Variants in TRPM6 observed in about 807,000 individuals in gnomAD.
TRPM6 encodes the protein transient receptor potential cation channel subfamily M member 6.
TRPM6 carries 111 observed loss-of-function variants against 247.6 expected under a neutral mutation model. The observed-to-expected ratio is 0.45, with a 90% confidence interval of 0.38 to 0.52. TRPM6 has a LOEUF of 0.52. Ranked by LOEUF, TRPM6 falls within the 20% of genes least tolerant of loss-of-function variation. The pLI is 0.00. For synonymous variants in TRPM6, 892 were observed against 853.8 expected, an observed-to-expected ratio of 1.04 and a Z score of -0.78; for missense variants, 2,126 against 2,421.5, an observed-to-expected ratio of 0.88 and a Z score of 2.56.
At position 74,776,025 on chromosome 9, in the gene TRPM6, G is replaced by T; in HGVS notation, c.3261C>A (p.Asn1087Lys). The change falls in exon 24 of 39, where the codon AAC becomes AAA. Residue 1087 changes from asparagine to lysine, a missense_variant. Asn to Lys is a moderately conservative substitution (Grantham distance 94). Transcript: ENST00000360774. ...GGTAGGTCATGATGTAGCGATAGCGGTTGTATTTCCACAGGTTATTTGAAA... is the reference window on the plus strand; with the variant it reads ...GGTAGGTCATGATGTAGCGATAGCGTTTGTATTTCCACAGGTTATTTGAAA... ...ESISNNLWKY[N>K]RYRYIMTYHE... The T allele has an allele frequency of 6.2e-7, 1 of 1,614,130 alleles. No individual in the cohort carries two copies. Among genetic ancestry groups the T allele is most frequent in the Non-Finnish European group, 8.5e-7 (1 of 1,180,014 alleles).
chr9:74,805,441 TC>T (rs1828495741), intron 14 of TRPM6, among the ~76,000 whole-genome samples: 1 of 152,160 alleles, frequency 6.6e-6, no homozygotes, highest in Admixed American at 6.5e-5. Context: ...CAGAAATTAC[TC>T]CCTCATTACT....
rs148542821 is a variant in TRPM6 at position 74,739,929 on chromosome 9, G to A, written c.5281C>T (p.Arg1761Cys). 128 of 1,614,056 alleles carry A rather than the reference G, an allele frequency of 7.9e-5. No homozygotes were observed. In the African/African-American group the frequency reaches 1.2e-3, roughly 15 times the overall value. ...LDKSMSSWSQ[R>C]GRAAMIQVLS... ...ACCTGGATCATTGCCGCTCTCCCAC[G>A]CTGAGACCAAGAGGACATGCTTTTA... The change falls in exon 34 of 39, where the codon CGT (arginine) becomes TGT (cysteine). Residue 1761 changes from arginine (R) to cysteine (C), a missense_variant. By Grantham distance (180) the Arg-to-Cys change is radical (BLOSUM62 -3). Transcript: ENST00000360774.
intron 23 of TRPM6, among the ~76,000 whole-genome samples, chr9:74,779,176 T>G (rs1295648313): frequency 6.6e-6 from 1 of 151,812 alleles, no homozygotes; most frequent in Non-Finnish European, 1.5e-5. Context: ...ACTCGGGAGG[T>G]TGAGGTGGGA....
At chr9:74,801,799 G>A in intron 16 of TRPM6, 99 bp downstream of exon 16, 8 of 1,449,684 alleles carry the variant, frequency 5.5e-6, no homozygotes, top group Non-Finnish European at 7.7e-6. Flanking sequence ...ATGGCGGTAA[G>A]TCCATTTGTC....
At chr9:74,800,092 G>A in intron 17 of TRPM6, 162 bp downstream of exon 17, 4 of 689,696 alleles carry the variant, frequency 5.8e-6, no homozygotes, top group Non-Finnish European at 1.0e-5. Flanking sequence ...TCTGTCAAGG[G>A]TATACGAGTA....
At chr9:74,879,479 C>G (rs1831294065) in intron 1 of TRPM6, among the ~76,000 whole-genome samples, 1 of 152,016 alleles carries the variant, frequency 6.6e-6, no homozygotes, top group East Asian at 1.9e-4. Flanking sequence ...TGTGTTAGGC[C>G]TCAGGGGAAG....
intron 11 of TRPM6, among the ~76,000 whole-genome samples, chr9:74,815,108 G>C (rs1224210490): frequency 6.6e-6 from 1 of 152,144 alleles, no homozygotes; most frequent in Non-Finnish European, 1.5e-5. Context: ...AATTACAAAA[G>C]AGAACAAAGG....
chr9:74,875,593 TTA>T (rs1222684927), intron 1 of TRPM6, among the ~76,000 whole-genome samples: 5 of 152,074 alleles, frequency 3.3e-5, no homozygotes, highest in African/African-American at 1.2e-4. Context: ...CTATAAAGCC[TTA>T]TGTCAATTCA....
chr9:74,824,558 C>T (rs1271965464), intron 7 of TRPM6, among the ~76,000 whole-genome samples: 2 of 66,946 alleles, frequency 3.0e-5, no homozygotes, highest in African/African-American at 4.0e-5. Flanking sequence ...CTTACTGATA[C>T]ACTAATAAAA....
Position 74,796,772 on chromosome 9 carries a change from T to C in TRPM6, c.2360A>G (p.Asn787Ser). The change falls in exon 18 of 39, where the codon AAC becomes AGC. Residue 787 changes from asparagine to serine, a missense_variant. This residue lies in a region of TRPM6 where 1,082 missense variants were observed against 1,307.9 expected (regional missense o/e 0.83). Transcript: ENST00000360774. The stretch of plus-strand genomic sequence containing the variant: ...AGCACTTTCTTTGGAACTGCTGGCG[T>C]TCTGGTCACTGTAATACCACATAAA... The part of the protein sequence containing the change: ...FQFMWYYSDQ[N>S]ASSSKESASV... 2 of 1,614,042 alleles carry C rather than the reference T, an allele frequency of 1.2e-6. No individual in the cohort carries two copies. The highest frequency in any genetic ancestry group is 1.7e-6 in the Non-Finnish European group (2 of 1,179,936).
intron 1 of TRPM6, among the ~76,000 whole-genome samples, chr9:74,869,866 G>A (rs1423879334): frequency 6.6e-6 from 1 of 152,194 alleles, no homozygotes; most frequent in Non-Finnish European, 1.5e-5. Flanking sequence ...CTGCCTTGAA[G>A]TAATCTTATA....
At chr9:74,771,565 AT>A in intron 25 of TRPM6, 137 bp downstream of exon 25, 1 of 790,416 alleles carries the variant, frequency 1.3e-6, no homozygotes, top group Non-Finnish European at 2.1e-6. Flanking sequence ...TTACATGAAT[AT>A]TATATGTTGT....
chr9:74,723,317 C>T lies in TRPM6; in HGVS notation c.*1296G>A, dbSNP rs1005065343. Reference sequence around the variant, plus strand: ...GTGAAACATGTTTTCAGTCTGAAACCGTATCTTTCTTCATAGGACCTGACA... The same window carrying T: ...GTGAAACATGTTTTCAGTCTGAAACTGTATCTTTCTTCATAGGACCTGACA... On this transcript the variant is annotated 3_prime_UTR_variant, in exon 39 of 39. Transcript: ENST00000360774. 2.0e-5 allele frequency: 3 copies of T among 151,986 alleles called. No individual in the cohort carries two copies. The highest frequency in any genetic ancestry group is 4.4e-5 in the Non-Finnish European group (3 of 67,998). The allele number at this position is 151,986 out of a possible 1,614,324, so 9.4% of individuals were successfully genotyped here.
rs508121 is a variant in TRPM6 at position 74,747,568 on chromosome 9, A to G, written c.5083+321T>C. The stretch of plus-strand genomic sequence containing the variant: ...ATAACAATCTTATAAATGGCTCTTA[A>G]TGAGTAATGTGTGAAAAAACAAAAG... On this transcript the variant is annotated intron_variant, in intron 31 of 38. Transcript: ENST00000360774. Among the ~76,000 whole-genome samples the G allele has an allele frequency of 0.12, 18,690 of 152,226 alleles. 1,381 individuals carry two copies. Among genetic ancestry groups the G allele is most frequent in the South Asian group, 0.22 (1,074 of 4,830 alleles).
intron 1 of TRPM6, among the ~76,000 whole-genome samples, chr9:74,872,351 GGT>G (rs1432573265): frequency 6.6e-6 from 1 of 151,910 alleles, no homozygotes; most frequent in Non-Finnish European, 1.5e-5. Context: ...TGGCCAGGCT[GGT>G]CTCAAACCCC....
intron 21 of TRPM6, among the ~76,000 whole-genome samples, chr9:74,785,012 G>A (rs1232411957): frequency 2.6e-5 from 4 of 152,090 alleles, no homozygotes. Flanking sequence ...TACTCAGGTG[G>A]TTGAGGATTT....
chr9:74,794,125 C>T (rs1392962847), intron 18 of TRPM6, among the ~76,000 whole-genome samples: 1 of 152,100 alleles, frequency 6.6e-6, no homozygotes, highest in African/African-American at 2.4e-5. Flanking sequence ...CGATATCACT[C>T]TACTGTGTAG....
At chr9:74,739,678 T>C (rs1426754953) in intron 34 of TRPM6, 45 bp downstream of exon 34, 5 of 1,605,944 alleles carry the variant, frequency 3.1e-6, no homozygotes, top group Non-Finnish European at 4.2e-6. Flanking sequence ...TCTCTTTTCT[T>C]TGACTTGTCC....
At chr9:74,858,369 A>G (rs1830591662) in intron 2 of TRPM6, among the ~76,000 whole-genome samples, 1 of 115,324 alleles carries the variant, frequency 8.7e-6, no homozygotes, top group Non-Finnish European at 1.9e-5. Context: ...CCTGGAGGAC[A>G]AGAGCGAGAC....
Sources: gnomAD v4.1 joint callset for allele counts (sites outside exome capture counted in the v4.1 genomes callset) on GRCh38, gnomAD v4.1.1 for gene constraint, gnomAD v4.1.1 regional missense constraint, MANE v1.5 for transcripts, NCBI Gene and HGNC (gene_info 2026-07-23, HGNC 2026-07-21) for gene names.